INPP4B: variants seen among roughly 807,000 people sequenced by gnomAD.
INPP4B encodes inositol polyphosphate 4-phosphatase type II.
In INPP4B, 55 loss-of-function variants were observed where a neutral mutation model predicts 122.5. The ratio of observed to expected loss-of-function variants is 0.45; its 90% confidence interval spans 0.36 to 0.56. The LOEUF is 0.56. INPP4B is among the 20% of genes least tolerant of loss of function. INPP4B has a pLI of 0.00. For synonymous variants in INPP4B, 403 were observed against 388.7 expected, an observed-to-expected ratio of 1.04 and a Z score of -0.43; for missense variants, 1,000 against 1,097.7, an observed-to-expected ratio of 0.91 and a Z score of 1.26.
chr4:142,629,805 C>A (rs931418343), intron 2 of INPP4B, among the ~76,000 whole-genome samples: 11 of 152,014 alleles, frequency 7.2e-5, no homozygotes, highest in Non-Finnish European at 1.5e-4. Context: ...TGCCCTCTGC[C>A]CAATTGCCCT....
intron 7 of INPP4B, chr4:142,383,972 C>T: frequency 1.6e-6 from 1 of 644,862 alleles, no homozygotes; most frequent in Non-Finnish European, 2.8e-6. Flanking sequence ...CATCGTGCAG[C>T]TGTCAAGAAG....
intron 3 of INPP4B, among the ~76,000 whole-genome samples, chr4:142,453,343 A>G (rs372475803): frequency 7.2e-5 from 11 of 152,322 alleles, no homozygotes; most frequent in African/African-American, 2.4e-4. Flanking sequence ...TACAGACATC[A>G]TCACAAATTA....
intron 2 of INPP4B, among the ~76,000 whole-genome samples, chr4:142,612,234 G>T (rs761378976): frequency 1.3e-5 from 2 of 152,214 alleles, no homozygotes; most frequent in Non-Finnish European, 2.9e-5. Flanking sequence ...TGCCTCTGAA[G>T]TGAGTGATCC....
At chr4:142,213,778 TG>T (rs1845871727) in intron 12 of INPP4B, among the ~76,000 whole-genome samples, 1 of 152,220 alleles carries the variant, frequency 6.6e-6, no homozygotes, top group Non-Finnish European at 1.5e-5. Context: ...GTAAACGGTT[TG>T]CTGATCTTCC....
chr4:142,633,018 T>C (rs954980813), intron 2 of INPP4B, among the ~76,000 whole-genome samples: 1 of 151,840 alleles, frequency 6.6e-6, no homozygotes, highest in East Asian at 1.9e-4. Context: ...ATGTAAACTA[T>C]ATGGACAAAG....
At position 142,427,388 on chromosome 4, in the gene INPP4B, TA is replaced by T. The variant is rs372970720; in HGVS notation, c.136+1784del. ...TCTTAGTATATTTTAAAAATATATA[TA>T]AAAAAAGAAATTGAAGTTTTTTATA... On this transcript the variant is annotated intron_variant, in intron 5 of 25. Coordinates refer to ENST00000262992, the MANE Select transcript of INPP4B (RefSeq NM_001101669.3). 2.6e-3 allele frequency: 1,265 copies of T among 481,470 alleles called. 9 individuals are homozygous for T. Among genetic ancestry groups the T allele is most frequent in the East Asian group, 0.011 (336 of 29,492 alleles). 29.8% of individuals were successfully genotyped at this position (481,470 alleles called of 1,614,324 possible).
At chr4:142,708,988 C>A (rs774914060) in intron 2 of INPP4B, among the ~76,000 whole-genome samples, 3 of 152,022 alleles carry the variant, frequency 2.0e-5, no homozygotes, top group African/African-American at 4.8e-5. Flanking sequence ...ACCACAGGGG[C>A]AGAGATGACC....
At chr4:142,731,930 AT>A (rs1235918662) in intron 1 of INPP4B, among the ~76,000 whole-genome samples, 2 of 152,168 alleles carry the variant, frequency 1.3e-5, no homozygotes, top group Admixed American at 6.6e-5. Context: ...CTCAAATACC[AT>A]GAATAGGAGA....
intron 2 of INPP4B, among the ~76,000 whole-genome samples, chr4:142,593,106 A>T (rs80123017): frequency 3.1e-3 from 414 of 132,630 alleles, no homozygotes; most frequent in Middle Eastern, 0.02. Context: ...CCTGTTTTTA[A>T]AAAAAAAAAA....
intron 1 of INPP4B, among the ~76,000 whole-genome samples, chr4:142,787,755 A>G (rs776475814): frequency 1.9e-4 from 29 of 152,130 alleles, no homozygotes; most frequent in Non-Finnish European, 4.0e-4. Flanking sequence ...ACTGCCCTCC[A>G]AAAAAATCTA....
At chr4:142,147,789 A>T (rs773471096) in intron 17 of INPP4B, among the ~76,000 whole-genome samples, 6 of 152,206 alleles carry the variant, frequency 3.9e-5, no homozygotes, top group Admixed American at 1.3e-4. Flanking sequence ...AATTGAAAGC[A>T]CTTTACCTCT....
intron 15 of INPP4B, among the ~76,000 whole-genome samples, chr4:142,183,568 A>ACTTC (rs1553999487): frequency 6.6e-6 from 1 of 152,082 alleles, no homozygotes; most frequent in Non-Finnish European, 1.5e-5. Flanking sequence ...TTTATAGATG[A>ACTTC]CTTTTCTGCT....
In INPP4B at chr4:142,794,756, G is replaced by A. The variant is rs549780759; in HGVS notation, c.-254+51453C>T. On this transcript the variant is annotated intron_variant, in intron 1 of 25. Coordinates refer to ENST00000262992, the MANE Select transcript of INPP4B (RefSeq NM_001101669.3). Reference sequence around the variant, plus strand: ...CTCATATGCCAATCAATTAAACAATGACTAATAAGAAATATCACAACTCTT... The same window carrying A: ...CTCATATGCCAATCAATTAAACAATAACTAATAAGAAATATCACAACTCTT... Among the ~76,000 whole-genome samples, 7 of 151,796 alleles carry A rather than the reference G, an allele frequency of 4.6e-5. No individual in the cohort carries two copies. The South Asian group carries it at 1.5e-3, about 32-fold the overall frequency.
intron 2 of INPP4B, among the ~76,000 whole-genome samples, chr4:142,465,055 T>C (rs192320656): frequency 6.6e-6 from 1 of 152,336 alleles, no homozygotes; most frequent in East Asian, 1.9e-4. Context: ...ATATAGTCCA[T>C]AGTGTCCAAA....
chr4:142,082,321 C>T (rs749465280), intron 24 of INPP4B, 136 bp from the exon 25 acceptor site: 1 of 615,420 alleles, frequency 1.6e-6, no homozygotes, highest in Non-Finnish European at 2.6e-6. Flanking sequence ...TCAATTTGTT[C>T]AATCGGTCTC....
intron 7 of INPP4B, among the ~76,000 whole-genome samples, chr4:142,383,201 T>A (rs1428089060): frequency 6.6e-6 from 1 of 152,192 alleles, no homozygotes; most frequent in Non-Finnish European, 1.5e-5. Context: ...ACATTTATAA[T>A]CTTTGCACCT....
At chr4:142,185,571 T>G (rs971814476) in intron 15 of INPP4B, among the ~76,000 whole-genome samples, 3 of 151,874 alleles carry the variant, frequency 2.0e-5, no homozygotes, top group African/African-American at 7.3e-5. Flanking sequence ...GAAATCTTAG[T>G]TTCTTAGTTA....
chr4:142,190,178 G>T (rs537980766), intron 15 of INPP4B, among the ~76,000 whole-genome samples: 12 of 147,238 alleles, frequency 8.2e-5, no homozygotes, highest in Admixed American at 4.2e-4. Context: ...GGCTATCTGG[G>T]TTTTTTATTT....
chr4:142,447,499 G>A (rs1813158472), intron 3 of INPP4B, among the ~76,000 whole-genome samples: 1 of 152,166 alleles, frequency 6.6e-6, no homozygotes, highest in Non-Finnish European at 1.5e-5. Context: ...TCAGGGTACA[G>A]GCACAAAGTA....
Sources: gnomAD v4.1 joint callset for allele counts (sites outside exome capture counted in the v4.1 genomes callset) on GRCh38, gnomAD v4.1.1 for gene constraint, MANE v1.5 for transcripts, NCBI Gene and HGNC (gene_info 2026-07-23, HGNC 2026-07-21) for gene names.